Variants in CIITA observed in about 807,000 individuals in gnomAD.
CIITA encodes class II major histocompatibility complex transactivator, also known as MHC class II transactivator.
Under a neutral mutation model 115.1 loss-of-function variants are expected in CIITA, and 72 were observed. The ratio of observed to expected loss-of-function variants is 0.63; its 90% CI spans 0.52 to 0.76. The LOEUF (loss-of-function observed/expected upper bound fraction) is 0.76. Among genes scored for constraint, CIITA ranks in the 30% least tolerant of loss-of-function variants. CIITA has a pLI of 0.00. For synonymous variants in CIITA, 763 were observed against 635.6 expected, an observed-to-expected ratio of 1.20 and a Z score of -3.02; for missense variants, 1,617 against 1,463.8, an observed-to-expected ratio of 1.10 and a Z score of -1.71.
At chr16:10,872,488 C>G (rs778761511), upstream of CIITA, among the ~76,000 whole-genome samples, 1 of 152,204 alleles carries the variant, frequency 6.6e-6, no homozygotes, top group South Asian at 2.1e-4. Context: ...TGTCTACATA[C>G]TTATACACTT....
chr16:10,916,302 G>T, intron 14 of CIITA, 65 bp from the exon 15 acceptor site: 2 of 1,507,860 alleles, frequency 1.3e-6, no homozygotes, highest in Non-Finnish European at 1.8e-6. Context: ...GGCCCTCACT[G>T]GGATGGGAAG....
At chr16:10,869,296 C>A (rs1036311438) in intron 1 of CIITA, among the ~76,000 whole-genome samples, 2 of 152,214 alleles carry the variant, frequency 1.3e-5, no homozygotes, top group African/African-American at 2.4e-5. Flanking sequence ...ATGTTGGCAC[C>A]CTCGCTGTTC....
At chr16:10,883,786 G>C (rs1363852814) in intron 1 of CIITA, among the ~76,000 whole-genome samples, 1 of 152,226 alleles carries the variant, frequency 6.6e-6, no homozygotes, top group Non-Finnish European at 1.5e-5. Context: ...GAAGAAAGCA[G>C]GGTTGGGAAG....
At chr16:10,878,976 CCGCGGCCCCAGAGCT>C (rs2036123144) in intron 1 of CIITA, 1 of 222,804 alleles carries the variant, frequency 4.5e-6, no homozygotes, top group African/African-American at 2.2e-5. Flanking sequence ...CACAGACTTG[CCGCGGCCCCAGAGCT>C]GGCGGGAGGG....
chr16:10,899,057 T>C (rs1313156811), intron 5 of CIITA, 55 bp downstream of exon 5: 3 of 1,565,388 alleles, frequency 1.9e-6, no homozygotes, highest in Non-Finnish European at 2.6e-6. Flanking sequence ...TGGCCTTTCC[T>C]TGACTCCAAA....
At chr16:10,940,173 C>G (rs980278301), downstream of CIITA, 8 of 152,396 alleles carry the variant, frequency 5.2e-5, no homozygotes, top group Admixed American at 5.2e-4. This position sits in a 1 kb window ranked among gnomAD's most constrained non-coding sequence, Gnocchi z 4.2. Context: ...CTGCAACAGA[C>G]TCAATGTTTG....
chr16:10,922,561 AG>A, intron 18 of CIITA, 71 bp downstream of exon 18: 1 of 1,493,384 alleles, frequency 6.7e-7, no homozygotes, highest in Non-Finnish European at 9.3e-7. Context: ...GTGACCCCGG[AG>A]CTCAAATCAT....
chr16:10,899,002 C>T lies in CIITA; in HGVS notation c.436C>T (p.Pro146Ser), dbSNP rs376464815. 38 of 1,613,858 alleles carry T rather than the reference C, an allele frequency of 2.4e-5. No individual in the cohort carries two copies. The highest frequency in any genetic ancestry group is 3.3e-4 in the Middle Eastern group (2 of 6,070). ...AEVGQKSQKR[P>S]FPEELPADLK... The stretch of plus-strand genomic sequence containing the variant: ...AGTTGGGCAGAAAAGTCAGAAAAGA[C>T]GTGAGTGAGCCCCTCCCTGATCCAA... The change falls in exon 5 of 20, where the codon CCC becomes TCC. Residue 146 changes from proline to serine, a missense_variant and splice_region_variant. Physicochemically the swap from Pro to Ser is moderately conservative, Grantham distance 74. Coordinates refer to ENST00000324288, the MANE Select transcript of CIITA (RefSeq NM_000246.4).
At chr16:10,897,740 C>T (rs975920461) in intron 3 of CIITA, among the ~76,000 whole-genome samples, 6 of 152,198 alleles carry the variant, frequency 3.9e-5, no homozygotes, top group African/African-American at 1.4e-4. Context: ...AAGGAATTTG[C>T]ACAGAGTAAG....
intron 3 of CIITA, among the ~76,000 whole-genome samples, chr16:10,896,958 G>A (rs930493087): frequency 6.6e-6 from 1 of 152,248 alleles, no homozygotes; most frequent in African/African-American, 2.4e-5. Flanking sequence ...AAGCAGAAGT[G>A]ATTGGGGCTG....
rs1222211732 is a variant in CIITA at position 10,933,247 on chromosome 16, G to T, written c.*9392G>T. On this transcript the variant is annotated 3_prime_UTR_variant, in exon 20 of 20. Coordinates refer to ENST00000324288, the MANE Select transcript of CIITA (RefSeq NM_000246.4). ...TCTGTAGTCAGAATGACAGTTGGGT[G>T]CTAGATCCCCTTCGTGAAGCAATGT... The T allele has an allele frequency of 1.3e-5, 2 of 152,310 alleles. No homozygotes were observed. Among genetic ancestry groups the T allele is most frequent in the African/African-American group, 4.8e-5 (2 of 41,464 alleles). 9.4% of individuals were successfully genotyped at this position (152,310 alleles called of 1,614,324 possible).
chr16:10,941,513 C>T lies in CIITA; in HGVS notation n.639C>T. On this transcript the variant is annotated non_coding_transcript_exon_variant, in exon 2 of 2. Transcript: ENST00000573379. The surrounding 1 kb of genome is among the most constrained non-coding windows in gnomAD (Gnocchi z 6.4). ...TGTGTATCCGGCCTGGGAATTCCTC[C>T]CTCTCCCTTGCTAGCGCCCCAACCC... 4 of 1,387,076 alleles carry T rather than the reference C, an allele frequency of 2.9e-6. No individual in the cohort carries two copies. The highest frequency in any genetic ancestry group is 3.7e-6 in the Non-Finnish European group (4 of 1,067,218). 85.9% of individuals were successfully genotyped at this position (1,387,076 alleles called of 1,614,324 possible). A position where few individuals can be genotyped will look rare whatever the true frequency, so the allele number is the denominator to read the frequency against.
In CIITA at chr16:10,927,752, T is replaced by A. The variant is rs1474358073; in HGVS notation, c.*3897T>A. On this transcript the variant is annotated 3_prime_UTR_variant, in exon 20 of 20. Transcript: ENST00000324288. ...CGTAAGATGTGGATAAATTACTGTC[T>A]CCGTGTCACAGATCTAAGTGATACT... is the stretch of plus-strand genomic sequence containing the variant. 6.6e-6 allele frequency: 1 copy of A among 152,186 alleles called. No individual in the cohort carries two copies. Among genetic ancestry groups the A allele is most frequent in the Non-Finnish European group, 1.5e-5 (1 of 68,038 alleles). The allele number at this position is 152,186 out of a possible 1,614,324, so 9.4% of individuals were successfully genotyped here.
chr16:10,889,231 C>T (rs2037284705), intron 1 of CIITA, among the ~76,000 whole-genome samples: 1 of 152,152 alleles, frequency 6.6e-6, no homozygotes, highest in South Asian at 2.1e-4. Flanking sequence ...TTTGGAGAAA[C>T]AGTCCAATGA....
At chr16:10,899,199 A>G (rs1436029025) in intron 5 of CIITA, among the ~76,000 whole-genome samples, 197 bp downstream of exon 5, 1 of 152,180 alleles carries the variant, frequency 6.6e-6, no homozygotes, top group Non-Finnish European at 1.5e-5. Context: ...TGGCTACAAA[A>G]TACATGCCAC....
intron 15 of CIITA, chr16:10,917,103 A>G (rs1359485986): frequency 9.5e-6 from 2 of 210,736 alleles, no homozygotes; most frequent in Non-Finnish European, 1.9e-5. Context: ...TATTATCAAA[A>G]CAGTAAAACT....
chr16:10,935,671 C>T lies in CIITA; in HGVS notation c.*11816C>T, dbSNP rs2040995467. On this transcript the variant is annotated 3_prime_UTR_variant, in exon 20 of 20. Coordinates refer to ENST00000324288, the MANE Select transcript of CIITA (RefSeq NM_000246.4). ...ACCAACTGATCAAAGTTAACATCGC[C>T]AGAAAGGGGACAGATGGCATGTGCC... The T allele has an allele frequency of 1.3e-5, 2 of 152,194 alleles. No homozygotes were observed. The highest frequency in any genetic ancestry group is 1.3e-4 in the Admixed American group (2 of 15,276). 9.4% of individuals were successfully genotyped at this position (152,194 alleles called of 1,614,324 possible).
intron 3 of CIITA, among the ~76,000 whole-genome samples, chr16:10,898,451 G>T (rs972714603): frequency 6.6e-6 from 1 of 151,880 alleles, no homozygotes; most frequent in South Asian, 2.1e-4. Flanking sequence ...TGTAGCAGTA[G>T]ATAAGTTTTC....
Position 10,907,776 on chromosome 16 carries a change from A to G in CIITA, c.2284A>G (p.Ile762Val). Residue 762 changes from isoleucine to valine, a missense_variant, in exon 11 of 20, where the codon ATC (isoleucine) becomes GTC (valine). By Grantham distance (29) the Ile-to-Val change is conservative. Transcript: ENST00000324288. This position sits in a 1 kb window ranked among gnomAD's most constrained non-coding sequence, Gnocchi z 5.0. ...CGTGCCACGCTTTCTGGCTGGGCTGATCTTCCAGCCTCCCGCCCGCTGCCT... is the reference window on the plus strand; with the variant it reads ...CGTGCCACGCTTTCTGGCTGGGCTGGTCTTCCAGCCTCCCGCCCGCTGCCT... ...EGVPRFLAGL[I>V]FQPPARCLGA... 1 of 1,614,136 alleles carries G rather than the reference A, an allele frequency of 6.2e-7. No individual in the cohort carries two copies. Among genetic ancestry groups the G allele is most frequent in the Non-Finnish European group, 8.5e-7 (1 of 1,180,010 alleles).
Sources: gnomAD v4.1 joint callset for allele counts (sites outside exome capture counted in the v4.1 genomes callset) on GRCh38, gnomAD v4.1.1 for gene constraint, Gnocchi (gnomAD v3.1) non-coding constraint, MANE v1.5 for transcripts, NCBI Gene and HGNC (gene_info 2026-07-23, HGNC 2026-07-21) for gene names.